The following DLGAP2 variants were observed in gnomAD, a reference collection of about 807,000 sequenced individuals.
DLGAP2 encodes disks large-associated protein 2.
DLGAP2 carries 26 observed loss-of-function variants against 100.3 expected under a neutral mutation model. The ratio of observed to expected loss-of-function variants is 0.26; its 90% confidence interval spans 0.19 to 0.36. The LOEUF (loss-of-function observed/expected upper bound fraction) is 0.36. Ranked by LOEUF, DLGAP2 falls within the 10% of genes least tolerant of loss-of-function variation. The probability of loss-of-function intolerance (pLI) is 1.00; values close to 1 mark genes in which losing one functional copy is unlikely to be tolerated. For synonymous variants in DLGAP2, 886 were observed against 630.1 expected (o/e 1.41, Z -6.08); for missense variants, 1,858 against 1,453.2 (o/e 1.28, Z -4.53).
intron 3 of DLGAP2, among the ~76,000 whole-genome samples, chr8:1,333,302 G>A (rs1034007278): frequency 1.3e-5 from 2 of 152,148 alleles, no homozygotes; most frequent in Non-Finnish European, 2.9e-5. Flanking sequence ...CTCAGGACAC[G>A]GGGACGGGCA....
At chr8:1,058,926 T>C (rs1157619515) in intron 2 of DLGAP2, among the ~76,000 whole-genome samples, 1 of 152,116 alleles carries the variant, frequency 6.6e-6, no homozygotes. Context: ...TCAAAACTGG[T>C]GTTAGAAGCT....
intron 3 of DLGAP2, among the ~76,000 whole-genome samples, chr8:1,417,193 G>T (rs1384245431): frequency 1.3e-5 from 2 of 149,130 alleles, no homozygotes; most frequent in African/African-American, 2.5e-5. Flanking sequence ...TGTCTGAGGC[G>T]GGGGAGACTC....
Position 1,327,708 on chromosome 8 carries a change from G to A in DLGAP2, c.106+68825G>A, listed in dbSNP as rs142275184. Reference sequence around the variant, plus strand: ...AAATACAAAAAACTATCCGGGCGTCGTGGCGGGCGCCTGTAGTCCCAGCTA... The same window carrying A: ...AAATACAAAAAACTATCCGGGCGTCATGGCGGGCGCCTGTAGTCCCAGCTA... On this transcript the variant is annotated intron_variant, in intron 3 of 14. Coordinates refer to ENST00000637795, the MANE Select transcript of DLGAP2 (RefSeq NM_001346810.2). 5.1e-3 allele frequency among the ~76,000 whole-genome samples: 772 copies of A among 152,130 alleles called. 2 individuals carry two copies. Among genetic ancestry groups the A allele is most frequent in the Non-Finnish European group, 8.7e-3 (593 of 68,012 alleles).
intron 6 of DLGAP2, among the ~76,000 whole-genome samples, chr8:1,591,425 G>C (rs1421371552): frequency 6.6e-6 from 1 of 152,116 alleles, no homozygotes; most frequent in East Asian, 1.9e-4. Context: ...AAGACTGGAC[G>C]TTGGACTGGG....
chr8:1,548,571 C>T (rs763730426), intron 4 of DLGAP2, 55 bp from the exon 5 acceptor site: 356 of 1,429,202 alleles, frequency 2.5e-4, no homozygotes, highest in Non-Finnish European at 3.1e-4. Flanking sequence ...TTCCCCGCAC[C>T]TGAGGGTTTC....
chr8:1,130,091 GACACTTC>G (rs1187297314), intron 2 of DLGAP2, among the ~76,000 whole-genome samples: 5 of 1,938 alleles, frequency 2.6e-3, no homozygotes, highest in African/African-American at 5.6e-3. Flanking sequence ...GATCGTGTCA[GACACTTC>G]ACGCGAGTTA....
At chr8:1,349,657 G>GAGGAAGGAT (rs1801660677) in intron 3 of DLGAP2, among the ~76,000 whole-genome samples, 4 of 60,166 alleles carry the variant, frequency 6.6e-5, no homozygotes, top group Admixed American at 1.8e-4. Context: ...CAGGTAGGAA[G>GAGGAAGGAT]GGGTGTTTGA....
chr8:1,319,195 C>T (rs1800838773), intron 3 of DLGAP2, among the ~76,000 whole-genome samples: 1 of 152,168 alleles, frequency 6.6e-6, no homozygotes, highest in Admixed American at 6.5e-5. Flanking sequence ...CTCCCTCCTC[C>T]CTGGTCAGGG....
intron 2 of DLGAP2, among the ~76,000 whole-genome samples, chr8:1,189,718 C>T (rs868161239): frequency 2.0e-5 from 3 of 147,788 alleles, no homozygotes; most frequent in Non-Finnish European, 4.5e-5. Context: ...TAATATGAAG[C>T]GAGCTCGAGT....
At chr8:1,333,619 G>A (rs1393235638) in intron 3 of DLGAP2, among the ~76,000 whole-genome samples, 1 of 152,182 alleles carries the variant, frequency 6.6e-6, no homozygotes, top group Non-Finnish European at 1.5e-5. Context: ...AATAGGCAGC[G>A]ACTGTGGCGT....
At chr8:1,686,230 A>G (rs1219337568) in intron 12 of DLGAP2, among the ~76,000 whole-genome samples, 3 of 152,248 alleles carry the variant, frequency 2.0e-5, no homozygotes, top group Admixed American at 6.5e-5. Context: ...ATGTGTGTGA[A>G]TAATATTCAC....
intron 1 of DLGAP2, among the ~76,000 whole-genome samples, chr8:864,841 T>C (rs1237370129): frequency 6.6e-6 from 1 of 152,204 alleles, no homozygotes; most frequent in Non-Finnish European, 1.5e-5. Context: ...AAAATATTAA[T>C]ATTTATATTG....
Position 808,223 on chromosome 8 carries a change from C to G in DLGAP2, c.18+70398C>G, listed in dbSNP as rs72621149. ...ACAGGTTTGGCACATTTGACCTCTG[C>G]CTCAGTGATACGTGTTGACGATGAC... is the stretch of plus-strand genomic sequence containing the variant. On this transcript the variant is annotated intron_variant, in intron 1 of 14. Transcript: ENST00000637795. Among the ~76,000 whole-genome samples the G allele has an allele frequency of 0.038, 5,850 of 152,242 alleles. 689 individuals carry two copies. The East Asian group carries it at 0.49, about 13-fold the overall frequency.
chr8:741,614 A>C (rs1373087705), intron 1 of DLGAP2, among the ~76,000 whole-genome samples: 2 of 152,094 alleles, frequency 1.3e-5, no homozygotes, highest in African/African-American at 4.8e-5. Context: ...GTCTGTATTT[A>C]TTGGCGGGCC....
intron 3 of DLGAP2, among the ~76,000 whole-genome samples, chr8:1,409,080 C>A (rs142312370): frequency 3.4e-4 from 51 of 152,122 alleles, no homozygotes; most frequent in African/African-American, 1.0e-3. Context: ...CTGTAGCAGG[C>A]GCCCGGCTCC....
At chr8:758,725 C>G (rs1164475435) in intron 1 of DLGAP2, among the ~76,000 whole-genome samples, 1 of 152,028 alleles carries the variant, frequency 6.6e-6, no homozygotes, top group Non-Finnish European at 1.5e-5. Flanking sequence ...CCACACCTGG[C>G]TAATTTTTGT....
chr8:1,073,055 A>T (rs996611000), intron 2 of DLGAP2, among the ~76,000 whole-genome samples: 4 of 152,228 alleles, frequency 2.6e-5, no homozygotes, highest in Admixed American at 6.5e-5. Flanking sequence ...CAATCATTAT[A>T]GCACCGTGCT....
intron 2 of DLGAP2, among the ~76,000 whole-genome samples, chr8:1,012,705 G>T (rs1801331043): frequency 1.7e-5 from 2 of 115,818 alleles, no homozygotes; most frequent in South Asian, 6.3e-4. Context: ...CCCTACTTCA[G>T]CGGCAGTGTG....
intron 2 of DLGAP2, among the ~76,000 whole-genome samples, chr8:946,768 T>A (rs573620412): frequency 6.6e-6 from 1 of 152,334 alleles, no homozygotes; most frequent in Admixed American, 6.5e-5. Flanking sequence ...CTCTATGAAC[T>A]CTGTGGACTG....
Sources: gnomAD v4.1 joint callset for allele counts (sites outside exome capture counted in the v4.1 genomes callset) on GRCh38, gnomAD v4.1.1 for gene constraint, MANE v1.5 for transcripts, NCBI Gene and HGNC (gene_info 2026-07-23, HGNC 2026-07-21) for gene names.